Variants in NEK5 observed in about 807,000 individuals in gnomAD.
NEK5 encodes NIMA related kinase 5.
A neutral mutation model predicts 109.2 loss-of-function variants in NEK5; 88 were observed. The ratio of observed to expected loss-of-function variants is 0.81; its 90% CI spans 0.68 to 0.96. NEK5 has a LOEUF of 0.96. Ranked by LOEUF, NEK5 falls within the 40% of genes least tolerant of loss-of-function variation. The pLI is 0.00. For synonymous variants in NEK5, 283 were observed against 299.9 expected (o/e 0.94, Z 0.58); for missense variants, 834 against 920.7 (o/e 0.91, Z 1.22).
intron 4 of NEK5, among the ~76,000 whole-genome samples, chr13:52,113,902 A>G (rs1219597311): frequency 6.6e-6 from 1 of 152,210 alleles, no homozygotes; most frequent in Non-Finnish European, 1.5e-5. Context: ...CGGACCATCT[A>G]TGAACCAGAA....
At chr13:52,043,683 A>C (rs1410850512) in intron 23 of NEK5, among the ~76,000 whole-genome samples, 1 of 152,232 alleles carries the variant, frequency 6.6e-6, no homozygotes, top group African/African-American at 2.4e-5. Flanking sequence ...AGCAAAGCAG[A>C]TATCTGACAA....
At chr13:52,055,216 G>A (rs959033545) in intron 22 of NEK5, among the ~76,000 whole-genome samples, 5 of 152,154 alleles carry the variant, frequency 3.3e-5, no homozygotes, top group Admixed American at 6.5e-5. Context: ...AAGATCAAAT[G>A]AATGAAATGA....
intron 17 of NEK5, among the ~76,000 whole-genome samples, chr13:52,079,263 G>A (rs1222311075): frequency 6.9e-6 from 1 of 145,862 alleles, no homozygotes; most frequent in Non-Finnish European, 1.5e-5. Flanking sequence ...TTTTAAATAA[G>A]TAGGGCTTTA....
At position 52,102,302 on chromosome 13, in the gene NEK5, C is replaced by G. The variant is rs767769857; in HGVS notation, c.610-10G>C. ...AGTTGTTACCCTCAAACTGAAAGGA[C>G]AAGGAGAAATGACACTAAATCAGAG... On this transcript the variant is annotated splice_polypyrimidine_tract_variant and intron_variant, in intron 9 of 23. Coordinates refer to ENST00000684899, the MANE Select transcript of NEK5 (RefSeq NM_001365552.1). The G allele has an allele frequency of 8.7e-6, 14 of 1,607,442 alleles. No homozygotes were observed. Among genetic ancestry groups the G allele is most frequent in the Non-Finnish European group, 1.2e-5 (14 of 1,174,246 alleles).
chr13:52,103,469 C>T (rs1268754693), intron 9 of NEK5, among the ~76,000 whole-genome samples: 1 of 152,168 alleles, frequency 6.6e-6, no homozygotes, highest in Non-Finnish European at 1.5e-5. Flanking sequence ...CAGACACTGG[C>T]TGTGCAACCC....
In NEK5 at chr13:52,093,071, A is replaced by G. The variant is rs751721894; in HGVS notation, c.1191T>C (p.Gly397=). The change falls in exon 13 of 24, where the codon GGT becomes GGC. Residue 397 remains glycine (G), a synonymous_variant. Coordinates refer to ENST00000684899, the MANE Select transcript of NEK5 (RefSeq NM_001365552.1). ...VEDYGQETRH[G]PSPSQWPAEY... ...AATATTACCATTGACTTGGGGATGG[A>G]CCATGCCTCGTTTCCTGACCGTAAT... 8.7e-6 allele frequency: 14 copies of G among 1,612,772 alleles called. No individual in the cohort carries two copies. In the African/African-American group the frequency reaches 1.6e-4, roughly 18 times the overall value.
intron 21 of NEK5, among the ~76,000 whole-genome samples, chr13:52,063,264 G>A (rs1403103329): frequency 2.0e-5 from 3 of 152,216 alleles, no homozygotes; most frequent in South Asian, 2.1e-4. Flanking sequence ...TGGTGGAGAC[G>A]GGGTTTCGCT....
At chr13:52,057,244 C>T (rs1038611985) in intron 22 of NEK5, among the ~76,000 whole-genome samples, 18 of 152,018 alleles carry the variant, frequency 1.2e-4, no homozygotes, top group Admixed American at 2.0e-4. Context: ...CAAGACTAAA[C>T]CAGGAAGAAG....
At chr13:52,104,375 T>A (rs1955607639) in intron 9 of NEK5, 123 bp downstream of exon 9, 1 of 753,024 alleles carries the variant, frequency 1.3e-6, no homozygotes, top group Non-Finnish European at 2.4e-6. Flanking sequence ...TTATTTTAAG[T>A]AGCTTATCCA....
rs1954366647 is a variant in NEK5 at position 52,037,095 on chromosome 13, CTT to C, written c.2350_2351del (p.Lys784ValfsTer13). On this transcript the variant is annotated frameshift_variant, in exon 24 of 24. Transcript: ENST00000684899. LOFTEE classifies it high-confidence loss of function. ...EASSTSKDSR[K>X]SREREGISMQ... ...TACTTATCCCCTCTCTTTCTCTTGA[CTT>C]TCTAGAGTCCTTAGAGGTACTGGAG... The C allele has an allele frequency of 2.1e-5, 21 of 985,272 alleles. No homozygotes were observed. In the South Asian group the frequency reaches 9.4e-4, roughly 44 times the overall value. The allele number at this position is 985,272 out of a possible 1,614,324, so 61.0% of individuals were successfully genotyped here.
chr13:52,112,240 A>G, intron 5 of NEK5, 28 bp downstream of exon 5: 2 of 1,344,754 alleles, frequency 1.5e-6, no homozygotes, highest in South Asian at 2.4e-5. Flanking sequence ...ACATACATAA[A>G]ATTAAAAAGC....
At chr13:52,092,996 G>A (rs1955322611) in intron 13 of NEK5, 58 bp downstream of exon 13, 1 of 1,134,358 alleles carries the variant, frequency 8.8e-7, no homozygotes. Context: ...AATAATAAAT[G>A]TTAATATATA....
chr13:52,110,473 G>A lies in NEK5; in HGVS notation c.396+21C>T, dbSNP rs1593992272. Reference sequence around the variant, plus strand: ...TCAAGAAAAGATCAGTTCTGTCTTAGTCTTCTCTCTGAGCTGTTACCTGAG... The same window carrying A: ...TCAAGAAAAGATCAGTTCTGTCTTAATCTTCTCTCTGAGCTGTTACCTGAG... On this transcript the variant is annotated intron_variant, in intron 6 of 23. Coordinates refer to ENST00000684899, the MANE Select transcript of NEK5 (RefSeq NM_001365552.1). The A allele has an allele frequency of 1.9e-6, 3 of 1,598,082 alleles. No homozygotes were observed. The East Asian group carries it at 6.7e-5, about 36-fold the overall frequency.
intron 23 of NEK5, among the ~76,000 whole-genome samples, chr13:52,046,808 G>A (rs868489699): frequency 5.9e-5 from 9 of 151,744 alleles, no homozygotes; most frequent in South Asian, 4.2e-4. Flanking sequence ...CATGGCACAA[G>A]TCACCATAAA....
chr13:52,099,597 G>C, intron 12 of NEK5, 146 bp downstream of exon 12: 1 of 715,060 alleles, frequency 1.4e-6, no homozygotes. Context: ...TTGAACCCGG[G>C]AGGTGGAGTT....
intron 7 of NEK5, among the ~76,000 whole-genome samples, chr13:52,109,482 A>C (rs892964646): frequency 1.3e-5 from 2 of 152,160 alleles, no homozygotes; most frequent in African/African-American, 4.8e-5. Context: ...CCATATCTTG[A>C]AATAGTCCTG....
intron 23 of NEK5, among the ~76,000 whole-genome samples, chr13:52,046,685 C>G (rs1020681365): frequency 3.3e-5 from 5 of 151,464 alleles, no homozygotes; most frequent in Non-Finnish European, 7.4e-5. Flanking sequence ...GAGGTGCGAT[C>G]ATGCCGCTGC....
chr13:52,107,100 G>A (rs185705407), intron 8 of NEK5, among the ~76,000 whole-genome samples: 37 of 152,188 alleles, frequency 2.4e-4, no homozygotes, highest in Non-Finnish European at 4.9e-4. Flanking sequence ...TGCAATTTTC[G>A]ATGTTATTTT....
At chr13:52,110,240 T>C in intron 7 of NEK5, 100 bp downstream of exon 7, 1 of 772,006 alleles carries the variant, frequency 1.3e-6, no homozygotes, top group Non-Finnish European at 2.2e-6. Context: ...TAAAATTATT[T>C]AGACAACCAA....
Sources: gnomAD v4.1 joint callset for allele counts (sites outside exome capture counted in the v4.1 genomes callset) on GRCh38, gnomAD v4.1.1 for gene constraint, MANE v1.5 for transcripts, NCBI Gene and HGNC (gene_info 2026-07-23, HGNC 2026-07-21) for gene names.